Variants in GCNT1 observed in about 807,000 individuals in gnomAD.
The protein encoded by GCNT1 is beta-1,3-galactosyl-O-glycosyl-glycoprotein beta-1,6-N-acetylglucosaminyltransferase.
Under a neutral mutation model 26.2 loss-of-function variants are expected in GCNT1, and 16 were observed. The observed-to-expected ratio is 0.61, with a 90% CI of 0.41 to 0.93. The LOEUF (loss-of-function observed/expected upper bound fraction) is 0.93. Among genes scored for constraint, GCNT1 ranks in the 40% least tolerant of loss-of-function variants. GCNT1 has a pLI of 0.00. For missense variants in GCNT1, 477 were observed against 526.7 expected (o/e 0.91, Z 0.92); for synonymous variants, 183 against 190.8 (o/e 0.96, Z 0.34).
At chr9:76,426,615 G>A (rs1366134859) in intron 1 of GCNT1, among the ~76,000 whole-genome samples, 4 of 152,110 alleles carry the variant, frequency 2.6e-5, no homozygotes, top group Admixed American at 2.6e-4. Context: ...TTTAAGAATA[G>A]GCTGGGAGTG....
intron 2 of GCNT1, among the ~76,000 whole-genome samples, chr9:76,488,049 T>C (rs772943852): frequency 1.5e-4 from 23 of 152,238 alleles, no homozygotes; most frequent in Non-Finnish European, 2.6e-4. Context: ...TTATTGAATA[T>C]AACTCATTCT....
At chr9:76,448,138 C>G (rs771709893) in intron 1 of GCNT1, among the ~76,000 whole-genome samples, 1 of 152,160 alleles carries the variant, frequency 6.6e-6, no homozygotes, top group Non-Finnish European at 1.5e-5. Context: ...CTAGTCTTTA[C>G]TAACAGACAC....
At chr9:76,459,023 C>T (rs1823810690), upstream of GCNT1, 1 of 152,308 alleles carries the variant, frequency 6.6e-6, no homozygotes, top group Non-Finnish European at 1.5e-5. Flanking sequence ...GCGCTACTCC[C>T]AGACCACGTC....
chr9:76,417,825 G>A (rs1036377002), upstream of GCNT1, among the ~76,000 whole-genome samples: 9 of 152,126 alleles, frequency 5.9e-5, no homozygotes, highest in African/African-American at 2.2e-4. Flanking sequence ...TAAGATCATG[G>A]CAAAGCTCAC....
the GCNT1 span, chr9:76,399,136 T>G: frequency 6.6e-7 from 1 of 1,516,678 alleles, no homozygotes; most frequent in Non-Finnish European, 9.0e-7. Context: ...CTACCATTGC[T>G]CTGTGTAACA....
At chr9:76,430,373 A>C (rs1367404454) in intron 1 of GCNT1, among the ~76,000 whole-genome samples, 3 of 152,022 alleles carry the variant, frequency 2.0e-5, no homozygotes, top group Middle Eastern at 3.4e-3. Context: ...TTTTCACATA[A>C]TTATTGACAG....
upstream of GCNT1, among the ~76,000 whole-genome samples, chr9:76,438,267 A>C (rs1823435948): frequency 1.3e-5 from 2 of 152,210 alleles, no homozygotes; most frequent in African/African-American, 4.8e-5. Flanking sequence ...AGGACAACTC[A>C]AAGGGAGGTG....
chr9:76,497,674 A>G (rs1471542812), intron 2 of GCNT1, among the ~76,000 whole-genome samples: 1 of 152,042 alleles, frequency 6.6e-6, no homozygotes, highest in Non-Finnish European at 1.5e-5. Flanking sequence ...TGAACTTTGT[A>G]TTTTCTATTT....
chr9:76,467,428 C>T (rs561797965), intron 2 of GCNT1, among the ~76,000 whole-genome samples: 2 of 151,904 alleles, frequency 1.3e-5, no homozygotes, highest in African/African-American at 4.8e-5. Context: ...CCACATCATG[C>T]AGGTTCATGT....
intron 2 of GCNT1, among the ~76,000 whole-genome samples, chr9:76,498,581 A>T (rs785927): frequency 0.6 from 90,921 of 151,760 alleles, 27,793 homozygotes; most frequent in African/African-American, 0.71. Context: ...CAGACCAACC[A>T]GGCCAACATC....
At chr9:76,452,811 G>GTT (rs1564228479) in intron 1 of GCNT1, among the ~76,000 whole-genome samples, 1 of 152,052 alleles carries the variant, frequency 6.6e-6, no homozygotes, top group African/African-American at 2.4e-5. Flanking sequence ...TATCACCCCC[G>GTT]AAGTGGGAAG....
intron 1 of GCNT1, among the ~76,000 whole-genome samples, chr9:76,421,775 C>T (rs111943601): frequency 7.0e-6 from 1 of 143,310 alleles, no homozygotes; most frequent in Admixed American, 7.3e-5. Context: ...CTGTCTGCAG[C>T]CTCCACCTCC....
upstream of GCNT1, among the ~76,000 whole-genome samples, chr9:76,414,927 A>G (rs1252373638): frequency 1.3e-5 from 2 of 152,106 alleles, no homozygotes. Flanking sequence ...ACCTCCTGGG[A>G]TGGCAGCCAA....
At chr9:76,458,175 A>ATTTTTTTTTTT (rs779648273), upstream of GCNT1, among the ~76,000 whole-genome samples, 1 of 76,212 alleles carries the variant, frequency 1.3e-5, no homozygotes, top group Non-Finnish European at 2.3e-5. Context: ...TCTGAGTTGG[A>ATTTTTTTTTTT]TTTTTTTTTT....
At chr9:76,481,879 C>A (rs770167271) in intron 2 of GCNT1, among the ~76,000 whole-genome samples, 1 of 152,086 alleles carries the variant, frequency 6.6e-6, no homozygotes, top group Non-Finnish European at 1.5e-5. Context: ...AGCCTTAATT[C>A]CCACAGGGCA....
upstream of GCNT1, among the ~76,000 whole-genome samples, chr9:76,415,695 C>T (rs1823126613): frequency 6.6e-6 from 1 of 152,070 alleles, no homozygotes; most frequent in African/African-American, 2.4e-5. Flanking sequence ...TTATTCAATG[C>T]CAAAGCACAT....
At chr9:76,478,957 A>G (rs944418680) in intron 2 of GCNT1, among the ~76,000 whole-genome samples, 2 of 152,212 alleles carry the variant, frequency 1.3e-5, no homozygotes, top group African/African-American at 4.8e-5. Context: ...GGCTGCACCC[A>G]TTAACTTGTC....
intron 2 of GCNT1, among the ~76,000 whole-genome samples, chr9:76,493,788 C>G (rs982430726): frequency 2.0e-5 from 3 of 152,078 alleles, no homozygotes; most frequent in Non-Finnish European, 4.4e-5. Flanking sequence ...GAAAAGAAAG[C>G]TTGGACATAA....
rs1825108131 is a variant in GCNT1 at position 76,502,574 on chromosome 9, G to C, written c.193G>C (p.Gly65Arg). 4 of 1,613,618 alleles carry C rather than the reference G, an allele frequency of 2.5e-6. No homozygotes were observed. Among genetic ancestry groups the C allele is most frequent in the Admixed American group, 1.7e-5 (1 of 59,966 alleles). Residue 65 changes from glycine to arginine, a missense_variant, in exon 4 of 4, where the codon GGT becomes CGT. By Grantham distance (125) the Gly-to-Arg change is moderately radical. Transcript: ENST00000376730. ...TATTAATTGCACCAAAGTTTTACAG[G>C]GTGATGTAAATGAAATCCAAAAGGT... ...SDINCTKVLQ[G>R]DVNEIQKVKL...
Sources: gnomAD v4.1 joint callset for allele counts (sites outside exome capture counted in the v4.1 genomes callset) on GRCh38, gnomAD v4.1.1 for gene constraint, MANE v1.5 for transcripts, NCBI Gene and HGNC (gene_info 2026-07-23, HGNC 2026-07-21) for gene names.